The following ST6GALNAC3 variants were observed in gnomAD, a reference collection of about 807,000 sequenced individuals.
ST6GALNAC3 encodes alpha-N-acetylgalactosaminide alpha-2,6-sialyltransferase 3.
ST6GALNAC3 carries 25 observed loss-of-function variants against 32.7 expected under a neutral mutation model. The ratio of observed to expected loss-of-function variants is 0.76; its 90% CI spans 0.56 to 1.07. The LOEUF (loss-of-function observed/expected upper bound fraction) is 1.07, where lower values mean the gene tolerates loss of function less well. Among genes scored for constraint, ST6GALNAC3 ranks in the 50% least tolerant of loss-of-function variants. The probability of loss-of-function intolerance (pLI) is 0.00; values close to 1 mark genes in which losing one functional copy is unlikely to be tolerated. For synonymous variants in ST6GALNAC3, 129 were observed against 133.1 expected, an observed-to-expected ratio of 0.97 and a Z score of 0.21; for missense variants, 355 against 382.4, an observed-to-expected ratio of 0.93 and a Z score of 0.60.
At chr1:76,091,437 A>C (rs535321447) in intron 1 of ST6GALNAC3, among the ~76,000 whole-genome samples, 1 of 152,338 alleles carries the variant, frequency 6.6e-6, no homozygotes, top group East Asian at 1.9e-4. Context: ...CCCATTGTGC[A>C]TTAATGCCTA....
intron 2 of ST6GALNAC3, among the ~76,000 whole-genome samples, chr1:76,321,162 A>G (rs1173019482): frequency 6.6e-6 from 1 of 152,148 alleles, no homozygotes; most frequent in Non-Finnish European, 1.5e-5. Flanking sequence ...TCATGGCCCA[A>G]GATGAGCCAT....
intron 1 of ST6GALNAC3, among the ~76,000 whole-genome samples, chr1:76,236,724 G>T (rs1011536487): frequency 6.6e-6 from 1 of 152,072 alleles, no homozygotes; most frequent in African/African-American, 2.4e-5. Context: ...ATGGAAGAAG[G>T]TTTTAAAAAT....
chr1:76,214,390 C>T (rs1655340904), intron 1 of ST6GALNAC3, among the ~76,000 whole-genome samples: 1 of 151,890 alleles, frequency 6.6e-6, no homozygotes, highest in Admixed American at 6.6e-5. Context: ...ATACTCAAAG[C>T]AACCTCTTGA....
intron 1 of ST6GALNAC3, among the ~76,000 whole-genome samples, chr1:76,276,416 T>C (rs1270356360): frequency 6.6e-6 from 1 of 152,208 alleles, no homozygotes; most frequent in African/African-American, 2.4e-5. Context: ...GATAATGATA[T>C]CATCTATGTG....
intron 1 of ST6GALNAC3, among the ~76,000 whole-genome samples, chr1:76,145,557 A>G: frequency 6.6e-6 from 1 of 152,214 alleles, no homozygotes; most frequent in East Asian, 1.9e-4. Context: ...GGGCCAAAAT[A>G]CTATTCAGAT....
At chr1:76,378,467 G>T (rs1408372709) in intron 2 of ST6GALNAC3, among the ~76,000 whole-genome samples, 2 of 152,094 alleles carry the variant, frequency 1.3e-5, no homozygotes, top group African/African-American at 4.8e-5. Flanking sequence ...TTTGAGACCA[G>T]CCTGACCAAT....
chr1:76,432,396 C>T (rs184661180), intron 3 of ST6GALNAC3, among the ~76,000 whole-genome samples: 94 of 147,810 alleles, frequency 6.4e-4, no homozygotes, highest in East Asian at 2.4e-3. Flanking sequence ...TTATGTTATA[C>T]GCTGAAAAAT....
At chr1:76,352,020 A>G (rs1649018800) in intron 2 of ST6GALNAC3, among the ~76,000 whole-genome samples, 1 of 152,146 alleles carries the variant, frequency 6.6e-6, no homozygotes, top group African/African-American at 2.4e-5. Context: ...TAACGAGTTT[A>G]ACTGCAGTAT....
chr1:76,446,604 C>CA (rs1389723938), intron 3 of ST6GALNAC3, among the ~76,000 whole-genome samples: 2 of 152,306 alleles, frequency 1.3e-5, no homozygotes, highest in Admixed American at 1.3e-4. Flanking sequence ...ACTGTGTCCC[C>CA]ACCCAAATCT....
At chr1:76,348,124 G>C (rs1648673022) in intron 2 of ST6GALNAC3, among the ~76,000 whole-genome samples, 1 of 152,094 alleles carries the variant, frequency 6.6e-6, no homozygotes, top group East Asian at 1.9e-4. Flanking sequence ...TTAACTCTTA[G>C]AGAGCCCTAC....
At chr1:76,626,650 A>G (rs1648986509) in intron 3 of ST6GALNAC3, among the ~76,000 whole-genome samples, 1 of 151,798 alleles carries the variant, frequency 6.6e-6, no homozygotes, top group Non-Finnish European at 1.5e-5. Context: ...ATGTGGTCCA[A>G]GTGGCTTCTT....
intron 3 of ST6GALNAC3, among the ~76,000 whole-genome samples, chr1:76,606,229 T>G (rs556200273): frequency 6.6e-6 from 1 of 152,216 alleles, no homozygotes; most frequent in South Asian, 2.1e-4. Context: ...TATACCCAAA[T>G]AAATATAAAT....
chr1:76,116,791 G>C (rs959576784), intron 1 of ST6GALNAC3, among the ~76,000 whole-genome samples: 1 of 152,162 alleles, frequency 6.6e-6, no homozygotes, highest in Non-Finnish European at 1.5e-5. Context: ...AATTAGCCGG[G>C]CCTGGTGGCA....
intron 3 of ST6GALNAC3, among the ~76,000 whole-genome samples, chr1:76,469,612 A>G (rs1328886529): frequency 6.6e-6 from 1 of 152,100 alleles, no homozygotes; most frequent in African/African-American, 2.4e-5. Flanking sequence ...AAAGATTCAC[A>G]ATGAATAACA....
intron 3 of ST6GALNAC3, among the ~76,000 whole-genome samples, chr1:76,592,037 A>G (rs1647056159): frequency 6.6e-6 from 1 of 152,216 alleles, no homozygotes; most frequent in South Asian, 2.1e-4. Context: ...AAAATTGTGA[A>G]GATGTTCTTA....
chr1:76,418,490 A>T (rs1654800935), intron 3 of ST6GALNAC3, among the ~76,000 whole-genome samples: 4 of 152,146 alleles, frequency 2.6e-5, no homozygotes, highest in African/African-American at 9.7e-5. Context: ...TGCCATACCT[A>T]GATTCCACAA....
chr1:76,586,423 G>T (rs893392966), intron 3 of ST6GALNAC3, among the ~76,000 whole-genome samples: 1 of 152,188 alleles, frequency 6.6e-6, no homozygotes, highest in Admixed American at 6.5e-5. Context: ...TCAGTTTTAC[G>T]ACTGTTTTAT....
At chr1:76,361,977 C>CAAA (rs386367380) in intron 2 of ST6GALNAC3, among the ~76,000 whole-genome samples, 5,867 of 62,956 alleles carry the variant, frequency 0.093, 231 homozygotes, top group African/African-American at 0.1. Context: ...GACTCTGTAT[C>CAAA]AAAAAAAAAA....
chr1:76,564,111 A>C, intron 3 of ST6GALNAC3, among the ~76,000 whole-genome samples: 1 of 152,210 alleles, frequency 6.6e-6, no homozygotes, highest in African/African-American at 2.4e-5. Flanking sequence ...CCGTAGACTT[A>C]ATCTTGCAGC....
Sources: allele counts gnomAD v4.1 joint callset (sites outside exome capture counted in the v4.1 genomes callset), GRCh38; gene constraint gnomAD v4.1.1; transcripts MANE v1.5; gene names NCBI Gene and HGNC (gene_info 2026-07-23, HGNC 2026-07-21).